PTPRK: variants seen among roughly 807,000 people sequenced by gnomAD.
The protein encoded by PTPRK is protein tyrosine phosphatase receptor type K, also known as receptor-type tyrosine-protein phosphatase kappa.
A neutral mutation model predicts 178.0 loss-of-function variants in PTPRK; 75 were observed. The ratio of observed to expected loss-of-function variants is 0.42; its 90% CI spans 0.35 to 0.51. The LOEUF (loss-of-function observed/expected upper bound fraction) is 0.51, where lower values mean the gene tolerates loss of function less well. Ranked by LOEUF, PTPRK falls within the 20% of genes least tolerant of loss-of-function variation. The pLI, the probability that PTPRK is intolerant of heterozygous loss-of-function variation, is 0.02. For missense variants in PTPRK, 1,441 were observed against 1,797.8 expected (o/e 0.80, Z 3.59); for synonymous variants, 637 against 620.6 (o/e 1.03, Z -0.39).
At chr6:128,009,691 G>A (rs1778839693) in intron 13 of PTPRK, among the ~76,000 whole-genome samples, 1 of 151,160 alleles carries the variant, frequency 6.6e-6, no homozygotes, top group Non-Finnish European at 1.5e-5. Flanking sequence ...CAGTATTAAT[G>A]GTACTTGTCT....
At chr6:128,105,765 A>G (rs1789621819) in intron 7 of PTPRK, among the ~76,000 whole-genome samples, 1 of 152,200 alleles carries the variant, frequency 6.6e-6, no homozygotes, top group Admixed American at 6.5e-5. Context: ...AATGCACATT[A>G]AACATCTTTT....
chr6:128,330,326 C>T (rs958899757), intron 2 of PTPRK, among the ~76,000 whole-genome samples: 1 of 152,036 alleles, frequency 6.6e-6, no homozygotes, highest in African/African-American at 2.4e-5. Context: ...CATTACCCTC[C>T]TTTTCATATC....
chr6:128,195,794 T>C (rs1804755594), intron 6 of PTPRK, among the ~76,000 whole-genome samples: 1 of 152,118 alleles, frequency 6.6e-6, no homozygotes, highest in African/African-American at 2.4e-5. Flanking sequence ...TTAAAGATCT[T>C]CATAGCAAAG....
chr6:128,242,754 C>T, intron 3 of PTPRK, 152 bp from the exon 4 acceptor site: 6 of 1,200,302 alleles, frequency 5.0e-6, no homozygotes, highest in Non-Finnish European at 4.4e-6. Flanking sequence ...TTTCCTAACT[C>T]TTGTACAGGT....
chr6:128,095,388 CT>C (rs1787744271), intron 7 of PTPRK, among the ~76,000 whole-genome samples: 1 of 152,110 alleles, frequency 6.6e-6, no homozygotes, highest in Admixed American at 6.5e-5. Flanking sequence ...GTTTAGTGTA[CT>C]CAAGCTTGTC....
chr6:128,014,639 T>C (rs1779401718), intron 13 of PTPRK, among the ~76,000 whole-genome samples: 1 of 151,540 alleles, frequency 6.6e-6, no homozygotes, highest in Non-Finnish European at 1.5e-5. Flanking sequence ...TGAAAAACTA[T>C]GAATAGGAAA....
intron 7 of PTPRK, among the ~76,000 whole-genome samples, chr6:128,181,012 AC>A (rs1270728743): frequency 4.6e-5 from 7 of 152,094 alleles, no homozygotes; most frequent in African/African-American, 1.7e-4. Context: ...TCTTAAATTT[AC>A]CAACTAAAAA....
At chr6:128,475,742 T>TAG (rs1851297330) in intron 1 of PTPRK, among the ~76,000 whole-genome samples, 1 of 151,956 alleles carries the variant, frequency 6.6e-6, no homozygotes. Context: ...CTTAGGTAAA[T>TAG]CTGAAGCACA....
At chr6:128,038,635 G>A (rs1162868480) in intron 13 of PTPRK, among the ~76,000 whole-genome samples, 5 of 152,106 alleles carry the variant, frequency 3.3e-5, no homozygotes, top group East Asian at 1.9e-4. Context: ...CAGGAAATGC[G>A]ACAGGACCAC....
At chr6:128,051,970 C>G (rs1364533656) in intron 13 of PTPRK, among the ~76,000 whole-genome samples, 2 of 152,196 alleles carry the variant, frequency 1.3e-5, no homozygotes, top group East Asian at 3.9e-4. Context: ...AGTTCAGCAT[C>G]ATATTTAAGT....
chr6:128,451,934 T>C (rs117169429), intron 1 of PTPRK, among the ~76,000 whole-genome samples: 2,518 of 152,292 alleles, frequency 0.017, 29 homozygotes, highest in Non-Finnish European at 0.027. Context: ...AAAATGAAAA[T>C]ATGCTTTTCA....
At chr6:127,990,561 G>C (rs1776487391) in intron 21 of PTPRK, among the ~76,000 whole-genome samples, 1 of 150,982 alleles carries the variant, frequency 6.6e-6, no homozygotes, top group Non-Finnish European at 1.5e-5. Context: ...AATTCAATCG[G>C]CTCTAAGATC....
intron 13 of PTPRK, among the ~76,000 whole-genome samples, chr6:128,046,011 T>C (rs1291909972): frequency 1.3e-5 from 2 of 152,114 alleles, no homozygotes; most frequent in East Asian, 1.9e-4. Context: ...TACCTTTATA[T>C]TGAAACAAAA....
At position 128,309,942 on chromosome 6, in the gene PTPRK, AT is replaced by A. The variant is rs1312969521; in HGVS notation, c.495+12096del. On this transcript the variant is annotated intron_variant, in intron 3 of 29. Transcript: ENST00000368226. ...AGAGGTAATAAGATTGAAAAATAAT[AT>A]GGAAAGTTCCAGTCTCGGTGCCTAC... Among the ~76,000 whole-genome samples, 3 of 152,130 alleles carry A rather than the reference AT, an allele frequency of 2.0e-5. No homozygotes were observed. In the East Asian group the frequency reaches 5.8e-4, roughly 29 times the overall value.
At chr6:128,278,306 A>G (rs915235378) in intron 3 of PTPRK, among the ~76,000 whole-genome samples, 2 of 151,874 alleles carry the variant, frequency 1.3e-5, no homozygotes, top group Non-Finnish European at 2.9e-5. Context: ...ACAGGTGCAC[A>G]CCACCACGCC....
intron 13 of PTPRK, among the ~76,000 whole-genome samples, chr6:128,021,531 G>A (rs1160215206): frequency 1.3e-5 from 2 of 152,252 alleles, no homozygotes; most frequent in East Asian, 3.9e-4. Flanking sequence ...AGCTACTCGG[G>A]AGGGAGGCTG....
At chr6:128,242,868 A>G (rs550758048) in intron 3 of PTPRK, among the ~76,000 whole-genome samples, 14 of 152,348 alleles carry the variant, frequency 9.2e-5, no homozygotes, top group Non-Finnish European at 1.6e-4. Context: ...TATCCTGAAT[A>G]GGCAATATAT....
At chr6:128,053,769 C>G (rs1779450296) in intron 13 of PTPRK, among the ~76,000 whole-genome samples, 1 of 152,184 alleles carries the variant, frequency 6.6e-6, no homozygotes, top group Non-Finnish European at 1.5e-5. Flanking sequence ...CTCCATCCGA[C>G]TCAGGCTCTG....
At chr6:128,292,665 T>C (rs181572561) in intron 3 of PTPRK, among the ~76,000 whole-genome samples, 2 of 152,230 alleles carry the variant, frequency 1.3e-5, no homozygotes, top group Admixed American at 1.3e-4. Flanking sequence ...TAGGATGCAG[T>C]TCATAGGGCA....
Sources: allele counts gnomAD v4.1 joint callset (sites outside exome capture counted in the v4.1 genomes callset), GRCh38; gene constraint gnomAD v4.1.1; transcripts MANE v1.5; gene names NCBI Gene and HGNC (gene_info 2026-07-23, HGNC 2026-07-21).